MMP26: variants seen among roughly 807,000 people sequenced by gnomAD.
MMP26 encodes the protein matrix metalloproteinase-26.
MMP26 carries 33 observed loss-of-function variants against 31.0 expected under a neutral mutation model. That is an observed-to-expected ratio of 1.06 (90% CI 0.81 to 1.42). MMP26 has a LOEUF of 1.42. MMP26 is among the 40% of genes most tolerant of loss of function. MMP26 has a pLI of 0.00. For missense variants in MMP26, 347 were observed against 316.1 expected (o/e 1.10, Z -0.74); for synonymous variants, 122 against 114.9 (o/e 1.06, Z -0.40).
chr11:4,765,868 G>A (rs139624345), intron 1 of MMP26, among the ~76,000 whole-genome samples: 1 of 152,114 alleles, frequency 6.6e-6, no homozygotes, highest in Admixed American at 6.5e-5. Flanking sequence ...ACTTTCATCA[G>A]CCTCTAAATT....
intron 2 of MMP26, chr11:4,890,238 A>G (rs1850599615): frequency 6.5e-6 from 1 of 153,270 alleles, no homozygotes; most frequent in Non-Finnish European, 1.5e-5. Context: ...GTCAAAAGAC[A>G]TGACGAGAAG....
chr11:4,874,296 G>T (rs890895303), intron 2 of MMP26, among the ~76,000 whole-genome samples: 1 of 152,032 alleles, frequency 6.6e-6, no homozygotes, highest in Non-Finnish European at 1.5e-5. Flanking sequence ...GGACAGTACT[G>T]CACTAAACTA....
intron 2 of MMP26, among the ~76,000 whole-genome samples, chr11:4,888,068 A>C (rs1040880635): frequency 5.9e-5 from 9 of 152,142 alleles, no homozygotes; most frequent in African/African-American, 2.2e-4. Context: ...GACTAGTTGA[A>C]CCTTCTTCAA....
intron 1 of MMP26, among the ~76,000 whole-genome samples, chr11:4,712,687 G>T (rs1371481189): frequency 1.3e-5 from 2 of 152,018 alleles, no homozygotes; most frequent in Non-Finnish European, 2.9e-5. Context: ...TTTATGAAGT[G>T]TCAATTACAG....
chr11:4,822,234 T>G (rs1400203850), intron 2 of MMP26: 1 of 1,577,306 alleles, frequency 6.3e-7, no homozygotes, highest in South Asian at 1.2e-5. Context: ...ATTCAGCACC[T>G]CCATTTGTCC....
At chr11:4,898,531 CA>C (rs1401953295) in intron 2 of MMP26, among the ~76,000 whole-genome samples, 1 of 151,988 alleles carries the variant, frequency 6.6e-6, no homozygotes, top group Non-Finnish European at 1.5e-5. Flanking sequence ...TTGTTCTTTT[CA>C]GGACTTTCTC....
intron 2 of MMP26, chr11:4,803,835 A>C (rs1849220404): frequency 6.2e-7 from 1 of 1,612,892 alleles, no homozygotes; most frequent in Non-Finnish European, 8.5e-7. Flanking sequence ...CCATGTGCTC[A>C]CAGTATGACT....
At chr11:4,842,776 A>C (rs1228367000) in intron 2 of MMP26, among the ~76,000 whole-genome samples, 1 of 152,166 alleles carries the variant, frequency 6.6e-6, no homozygotes, top group African/African-American at 2.4e-5. Flanking sequence ...TCATTCCAGC[A>C]TTAACTCAAA....
chr11:4,832,694 T>G (rs1230726547), intron 2 of MMP26: 2 of 196,506 alleles, frequency 1.0e-5, no homozygotes, highest in Non-Finnish European at 2.2e-5. Context: ...GTAATGAAGC[T>G]GGCCTGCTCT....
In MMP26 at chr11:4,744,536, A is replaced by G. The variant is rs1055319539; in HGVS notation, c.-216-22734A>G. 2.6e-5 allele frequency among the ~76,000 whole-genome samples: 4 copies of G among 152,314 alleles called. 1 individual carries two copies. The highest frequency in any genetic ancestry group is 5.9e-5 in the Non-Finnish European group (4 of 68,022). On this transcript the variant is annotated intron_variant, in intron 1 of 7. Transcript: ENST00000380390. ...TCAGTGAAGAGGATGAGGAAGAGGCAGGGCTCTGAGGTCCAATTCAGCTCC... is the reference window on the plus strand; with the variant it reads ...TCAGTGAAGAGGATGAGGAAGAGGCGGGGCTCTGAGGTCCAATTCAGCTCC...
intron 2 of MMP26, among the ~76,000 whole-genome samples, chr11:4,794,714 G>A (rs1849081426): frequency 6.6e-6 from 1 of 152,130 alleles, no homozygotes; most frequent in Admixed American, 6.5e-5. Context: ...TAAACCCTTT[G>A]GTTCGGGTGA....
At chr11:4,846,577 G>A (rs986469378) in intron 2 of MMP26, among the ~76,000 whole-genome samples, 1 of 152,132 alleles carries the variant, frequency 6.6e-6, no homozygotes, top group Admixed American at 6.5e-5. Flanking sequence ...TTATAACACA[G>A]AGGATAACTG....
At chr11:4,792,013 C>T (rs1238560991) in intron 2 of MMP26, among the ~76,000 whole-genome samples, 1 of 151,956 alleles carries the variant, frequency 6.6e-6, no homozygotes, top group Admixed American at 6.6e-5. Flanking sequence ...ATTTTACCTA[C>T]TAGCTGTGTA....
At chr11:4,774,999 G>T (rs976817374) in intron 2 of MMP26, among the ~76,000 whole-genome samples, 1 of 152,034 alleles carries the variant, frequency 6.6e-6, no homozygotes, top group Non-Finnish European at 1.5e-5. Context: ...GTCTGTTTTT[G>T]TACCAGTACC....
intron 1 of MMP26, among the ~76,000 whole-genome samples, chr11:4,762,457 A>G (rs1271715643): frequency 4.6e-5 from 7 of 152,316 alleles, no homozygotes; most frequent in South Asian, 4.1e-4. Context: ...CTGAAATTCC[A>G]TATCATCTTT....
intron 2 of MMP26, among the ~76,000 whole-genome samples, chr11:4,969,586 G>A (rs935828983): frequency 1.3e-5 from 2 of 151,834 alleles, no homozygotes; most frequent in African/African-American, 4.8e-5. Context: ...ATACATTTTT[G>A]TTTATTTTTG....
At chr11:4,878,595 T>G (rs977416249) in intron 2 of MMP26, among the ~76,000 whole-genome samples, 1 of 152,164 alleles carries the variant, frequency 6.6e-6, no homozygotes, top group East Asian at 1.9e-4. Flanking sequence ...GGGACCCTTT[T>G]ATCCCACTTC....
At chr11:4,937,378 C>T (rs1038457636) in intron 2 of MMP26, 2 of 152,204 alleles carry the variant, frequency 1.3e-5, no homozygotes, top group Admixed American at 6.6e-5. Flanking sequence ...ACAAAGTTTC[C>T]CCACAACCTT....
At chr11:4,897,702 G>A (rs1411565239) in intron 2 of MMP26, among the ~76,000 whole-genome samples, 1 of 150,586 alleles carries the variant, frequency 6.6e-6, no homozygotes. Context: ...CTTAGAGTAC[G>A]AATCCTTAAC....
Sources: gnomAD v4.1 joint callset for allele counts (sites outside exome capture counted in the v4.1 genomes callset) on GRCh38, gnomAD v4.1.1 for gene constraint, MANE v1.5 for transcripts, NCBI Gene and HGNC (gene_info 2026-07-23, HGNC 2026-07-21) for gene names.